Variants in FBXO34 observed in about 807,000 individuals in gnomAD.
The protein encoded by FBXO34 is F-box protein 34, also known as F-box only protein 34.
In FBXO34, 12 loss-of-function variants were observed where a neutral mutation model predicts 24.5. That is an observed-to-expected ratio of 0.49 (90% confidence interval 0.31 to 0.79). The LOEUF (loss-of-function observed/expected upper bound fraction) is 0.79. FBXO34 is among the 30% of genes least tolerant of loss of function. The pLI, the probability that FBXO34 is intolerant of heterozygous loss-of-function variation, is 0.04. For missense variants in FBXO34, 823 were observed against 857.7 expected, an observed-to-expected ratio of 0.96 and a Z score of 0.51; for synonymous variants, 320 against 311.9, an observed-to-expected ratio of 1.03 and a Z score of -0.27.
In FBXO34 at chr14:55,351,478, A is replaced by G. The variant is rs1284612158; in HGVS notation, c.1088A>G (p.Asp363Gly). ...GCTGATCGTTGTTCTCCTAAGGAGG[A>G]CCAGGCCTGGGACGGTGCTTCTCAG... ...SRADRCSPKE[D>G]QAWDGASQDC... Residue 363 changes from aspartate (D) to glycine (G), a missense_variant, in exon 2 of 2, where the codon GAC becomes GGC. Physicochemically the swap from Asp to Gly is moderately conservative, Grantham distance 94 (BLOSUM62 -1). This residue lies in a region of FBXO34 where 693 missense variants were observed against 659.1 expected (regional missense o/e 1.05). Coordinates refer to ENST00000313833, the MANE Select transcript of FBXO34 (RefSeq NM_017943.4). The G allele has an allele frequency of 6.2e-7, 1 of 1,614,020 alleles. No individual in the cohort carries two copies. The highest frequency in any genetic ancestry group is 2.2e-5 in the East Asian group (1 of 44,898).
intron 1 of FBXO34, among the ~76,000 whole-genome samples, chr14:55,287,033 C>G (rs1005626232): frequency 2.6e-5 from 4 of 151,794 alleles, no homozygotes; most frequent in Non-Finnish European, 4.4e-5. Flanking sequence ...CTTGGCCTCC[C>G]CAGTATCTGG....
chr14:55,360,850 T>A (rs1354080613), intron 3 of FBXO34, among the ~76,000 whole-genome samples: 1 of 151,992 alleles, frequency 6.6e-6, no homozygotes, highest in Non-Finnish European at 1.5e-5. Context: ...ATGCAAAAAT[T>A]AGCTGGGCAT....
At chr14:55,281,208 C>T (rs1488802598) in intron 1 of FBXO34, among the ~76,000 whole-genome samples, 1 of 141,990 alleles carries the variant, frequency 7.0e-6, no homozygotes, top group Non-Finnish European at 1.5e-5. Context: ...GAGCTATGAT[C>T]GTGCCACTGG....
rs539793210 is a variant in FBXO34 at position 55,347,024 on chromosome 14, C to G, written c.-10-3357C>G. Among the ~76,000 whole-genome samples the G allele has an allele frequency of 2.2e-4, 34 of 152,254 alleles. 1 individual carries two copies. In the South Asian group the frequency reaches 6.4e-3, roughly 29 times the overall value. On this transcript the variant is annotated intron_variant, in intron 1 of 1. Coordinates refer to ENST00000313833, the MANE Select transcript of FBXO34 (RefSeq NM_017943.4). ...CTAACATTAAAAACAGATTCTGGGC[C>G]CAGTCTGAGAAATTGTGATTCAGCG...
At chr14:55,378,954 T>G in the FBXO34 span, among the ~76,000 whole-genome samples, 53 of 152,176 alleles carry the variant, frequency 3.5e-4, no homozygotes, top group Admixed American at 1.6e-3. Flanking sequence ...GTGATCCTCC[T>G]GCCTCAGCTT....
In FBXO34 at chr14:55,352,606, C is replaced by T. The variant is rs1279004392; in HGVS notation, c.*80C>T. 5 of 1,159,168 alleles carry T rather than the reference C, an allele frequency of 4.3e-6. No individual in the cohort carries two copies. The East Asian group carries it at 1.0e-4, about 23-fold the overall frequency. 71.8% of individuals were successfully genotyped at this position (1,159,168 alleles called of 1,614,324 possible). A position where few individuals can be genotyped will look rare whatever the true frequency, so the allele number is the denominator to read the frequency against. On this transcript the variant is annotated 3_prime_UTR_variant, in exon 2 of 2. Transcript: ENST00000313833. Reference sequence around the variant, plus strand: ...ATACACCGTTCAAATGAGCGTAGCCCCCTGAGTCATCACTCTAGAAGAATC... The same window carrying T: ...ATACACCGTTCAAATGAGCGTAGCCTCCTGAGTCATCACTCTAGAAGAATC...
At chr14:55,374,392 T>C (rs569725967), downstream of FBXO34, among the ~76,000 whole-genome samples, 47 of 152,296 alleles carry the variant, frequency 3.1e-4, no homozygotes, top group Admixed American at 6.5e-4. Context: ...TTCTAATAGG[T>C]TGTTGGTCTT....
downstream of FBXO34, among the ~76,000 whole-genome samples, chr14:55,374,216 GT>G (rs112314795): frequency 0.011 from 1,721 of 151,348 alleles, 14 homozygotes; most frequent in Middle Eastern, 0.027. Context: ...TTATTTTAAT[GT>G]TTTTTTTTAA....
chr14:55,282,355 T>C (rs1005392189), intron 1 of FBXO34: 10 of 460,598 alleles, frequency 2.2e-5, no homozygotes, highest in Admixed American at 1.3e-4. Flanking sequence ...TTCTGCTTCT[T>C]GATAAGGAAG....
chr14:55,308,926 T>C (rs1391254381), intron 1 of FBXO34, among the ~76,000 whole-genome samples: 1 of 152,244 alleles, frequency 6.6e-6, no homozygotes, highest in Non-Finnish European at 1.5e-5. Context: ...GATTTTGTCA[T>C]CAACAGAAAT....
chr14:55,334,933 A>C (rs1883724031), intron 1 of FBXO34, among the ~76,000 whole-genome samples: 1 of 151,770 alleles, frequency 6.6e-6, no homozygotes, highest in African/African-American at 2.4e-5. Flanking sequence ...GGTAGAACAA[A>C]CTCTTCCTTG....
chr14:55,280,031 A>G (rs1881478920), intron 1 of FBXO34, among the ~76,000 whole-genome samples: 2 of 152,210 alleles, frequency 1.3e-5, no homozygotes, highest in Admixed American at 6.5e-5. Context: ...CCAGTGTGGT[A>G]GTGTGTGGAT....
At chr14:55,441,734 G>A in the FBXO34 span, among the ~76,000 whole-genome samples, 1 of 152,106 alleles carries the variant, frequency 6.6e-6, no homozygotes, top group Non-Finnish European at 1.5e-5. Flanking sequence ...GCTTAACTGT[G>A]TAGAACAACT....
the FBXO34 span, among the ~76,000 whole-genome samples, chr14:55,439,128 G>C: frequency 6.6e-6 from 1 of 151,898 alleles, no homozygotes; most frequent in Non-Finnish European, 1.5e-5. Context: ...TAGCAGAGGC[G>C]AAGTTTCGCC....
At chr14:55,440,644 G>A in the FBXO34 span, 2 of 1,339,826 alleles carry the variant, frequency 1.5e-6, no homozygotes, top group Non-Finnish European at 2.0e-6. Context: ...GCGGGATGCG[G>A]AACCCAGCTA....
chr14:55,442,459 G>C, the FBXO34 span, among the ~76,000 whole-genome samples: 1 of 151,872 alleles, frequency 6.6e-6, no homozygotes, highest in Admixed American at 6.6e-5. Flanking sequence ...CTCTCTGAGA[G>C]CAAGAATTTT....
the FBXO34 span, among the ~76,000 whole-genome samples, chr14:55,396,752 G>A: frequency 6.6e-6 from 1 of 152,108 alleles, no homozygotes; most frequent in African/African-American, 2.4e-5. Flanking sequence ...TAGGGAGCAG[G>A]TTTTATACCA....
At chr14:55,363,698 G>T (rs145447833), downstream of FBXO34, among the ~76,000 whole-genome samples, 2,881 of 152,242 alleles carry the variant, frequency 0.019, 89 homozygotes, top group African/African-American at 0.062. Flanking sequence ...GGATGGCTTT[G>T]AATGTGGCCC....
chr14:55,411,974 T>C, the FBXO34 span: 11 of 700,620 alleles, frequency 1.6e-5, no homozygotes, highest in Non-Finnish European at 2.3e-5. Context: ...GGCACTGTTG[T>C]TTTTCCGGTC....
Sources: allele counts gnomAD v4.1 joint callset (sites outside exome capture counted in the v4.1 genomes callset), GRCh38; gene constraint gnomAD v4.1.1; regional missense constraint gnomAD v4.1.1; transcripts MANE v1.5; gene names NCBI Gene and HGNC (gene_info 2026-07-23, HGNC 2026-07-21).